EIF2AK1: variants seen among roughly 807,000 people sequenced by gnomAD.
The protein encoded by EIF2AK1 is eukaryotic translation initiation factor 2-alpha kinase 1.
A neutral mutation model predicts 77.9 loss-of-function variants in EIF2AK1; 54 were observed. The ratio of observed to expected loss-of-function variants is 0.69; its 90% confidence interval spans 0.56 to 0.87. The LOEUF (loss-of-function observed/expected upper bound fraction) is 0.87, where lower values mean the gene tolerates loss of function less well. Ranked by LOEUF, EIF2AK1 falls within the 40% of genes least tolerant of loss-of-function variation. The pLI, the probability that EIF2AK1 is intolerant of heterozygous loss-of-function variation, is 0.00. For synonymous variants in EIF2AK1, 314 were observed against 290.5 expected (o/e 1.08, Z -0.82); for missense variants, 810 against 768.6 (o/e 1.05, Z -0.64).
chr7:6,029,780 C>G (rs1787851448), intron 11 of EIF2AK1, among the ~76,000 whole-genome samples: 1 of 152,028 alleles, frequency 6.6e-6, no homozygotes, highest in Non-Finnish European at 1.5e-5. Context: ...GTCAGGAGTT[C>G]AAGACCAGGC....
At position 6,038,574 on chromosome 7, in the gene EIF2AK1, A is replaced by G; in HGVS notation, c.1217T>C (p.Val406Ala). ...ATGGTACTCACAGGCAGACTCGTCC[A>G]CATACTCCCGGCCCCGCTTGTTTCT... ...VERNKRGREYVDESACPYVMA... is the reference protein window; with the variant it reads ...VERNKRGREYADESACPYVMA... The change falls in exon 10 of 15, where the codon GTG becomes GCG. Residue 406 changes from valine (V) to alanine (A), a missense_variant. By Grantham distance (64) the Val-to-Ala change is moderately conservative (BLOSUM62 0). Coordinates refer to ENST00000199389, the MANE Select transcript of EIF2AK1 (RefSeq NM_014413.4). 1 of 1,612,106 alleles carries G rather than the reference A, an allele frequency of 6.2e-7. No individual in the cohort carries two copies.
At chr7:6,038,814 G>A (rs906392834) in intron 9 of EIF2AK1, 143 bp from the exon 10 acceptor site, 5 of 579,952 alleles carry the variant, frequency 8.6e-6, no homozygotes, top group Non-Finnish European at 1.4e-5. Flanking sequence ...ACTTCTCTTT[G>A]CAAGACAGAA....
Position 6,042,945 on chromosome 7 carries a change from T to C in EIF2AK1, c.779A>G (p.Gln260Arg). ...ELPSLEVLSD[Q>R]EEDREQCGVK... ...TAAAAGGACATACCTGTCCTCTTCCTGGTCGGAGAGCACTTCCAGAGATGG... is the reference window on the plus strand; with the variant it reads ...TAAAAGGACATACCTGTCCTCTTCCCGGTCGGAGAGCACTTCCAGAGATGG... The change falls in exon 8 of 15, where the codon CAG (glutamine) becomes CGG (arginine). Residue 260 changes from glutamine (Q) to arginine (R), a missense_variant. By Grantham distance (43) the Gln-to-Arg change is conservative. This residue lies in a region of EIF2AK1 where 549 missense variants were observed against 533.7 expected (regional missense o/e 1.03). Coordinates refer to ENST00000199389, the MANE Select transcript of EIF2AK1 (RefSeq NM_014413.4). 6.2e-7 allele frequency: 1 copy of C among 1,614,088 alleles called. No homozygotes were observed. Among genetic ancestry groups the C allele is most frequent in the South Asian group, 1.1e-5 (1 of 91,078 alleles).
chr7:6,040,817 A>G, intron 9 of EIF2AK1, 75 bp downstream of exon 9: 1 of 1,213,944 alleles, frequency 8.2e-7, no homozygotes, highest in Non-Finnish European at 1.2e-6. Flanking sequence ...GAGCTGAGAG[A>G]GGGCGAGAGA....
intron 8 of EIF2AK1, among the ~76,000 whole-genome samples, chr7:6,041,553 A>C (rs994835156): frequency 1.4e-5 from 2 of 147,268 alleles, no homozygotes; most frequent in African/African-American, 2.5e-5. Flanking sequence ...CAAGAAAAAA[A>C]AAAGTCGGCC....
In EIF2AK1 at chr7:6,058,983, G is replaced by A; in HGVS notation, c.101C>T (p.Pro34Leu). ...TCCCTCACCGTCATATTCGGGGTCC[G>A]GGCCCTCGGCGGGAAAGTCGATGGC... is the stretch of plus-strand genomic sequence containing the variant. ...PPAIDFPAEG[P>L]DPEYDESDVP... Residue 34 changes from proline to leucine, a missense_variant, in exon 1 of 15, where the codon CCG becomes CTG. Pro to Leu is a moderately conservative substitution (Grantham distance 98). This residue lies in a region of EIF2AK1 where 246 missense variants were observed against 199.0 expected (regional missense o/e 1.24). Coordinates refer to ENST00000199389, the MANE Select transcript of EIF2AK1 (RefSeq NM_014413.4). The A allele has an allele frequency of 2.6e-6, 4 of 1,541,246 alleles. No homozygotes were observed. Among genetic ancestry groups the A allele is most frequent in the African/African-American group, 1.4e-5 (1 of 70,226 alleles).
Position 6,059,141 on chromosome 7 carries a change from C to G in EIF2AK1, c.-58G>C. ...CCGGCCAGCCCAGCACTGCCACACT[C>G]CGATGCTGCAGCTAGCGCCGTCCGA... On this transcript the variant is annotated 5_prime_UTR_variant, in exon 1 of 15. Transcript: ENST00000199389. 1.7e-6 allele frequency: 2 copies of G among 1,166,006 alleles called. No homozygotes were observed. The highest frequency in any genetic ancestry group is 1.1e-6 in the Non-Finnish European group (1 of 892,638). 72.2% of individuals were successfully genotyped at this position (1,166,006 alleles called of 1,614,324 possible). A position where few individuals can be genotyped will look rare whatever the true frequency, so the allele number is the denominator to read the frequency against.
intron 1 of EIF2AK1, among the ~76,000 whole-genome samples, chr7:6,056,019 G>A (rs1195338401): frequency 1.5e-5 from 2 of 136,942 alleles, no homozygotes; most frequent in East Asian, 2.2e-4. Context: ...CTAGCTGGGT[G>A]TGGTGGCTCA....
intron 9 of EIF2AK1, among the ~76,000 whole-genome samples, chr7:6,039,936 T>TC (rs1562749808): frequency 6.6e-6 from 1 of 151,918 alleles, no homozygotes; most frequent in African/African-American, 2.4e-5. Context: ...AAACTTTGTC[T>TC]CAAGAAAAAA....
chr7:6,044,339 C>T (rs565820690), intron 7 of EIF2AK1, among the ~76,000 whole-genome samples: 7 of 151,694 alleles, frequency 4.6e-5, no homozygotes, highest in East Asian at 1.9e-4. Context: ...GCCGTGGTGG[C>T]GGGCACCTGT....
At chr7:6,055,924 G>A (rs1203550053) in intron 1 of EIF2AK1, among the ~76,000 whole-genome samples, 5 of 128,998 alleles carry the variant, frequency 3.9e-5, no homozygotes, top group African/African-American at 1.2e-4. Context: ...CAGAGGTTGA[G>A]ATGAGCTGAG....
At chr7:6,028,721 T>C in intron 12 of EIF2AK1, 24 bp from the exon 13 acceptor site, 1 of 1,609,530 alleles carries the variant, frequency 6.2e-7, no homozygotes, top group African/African-American at 1.3e-5. Flanking sequence ...AGCCACATAT[T>C]AAACATTGCA....
At chr7:6,034,197 C>T (rs1158071232) in intron 11 of EIF2AK1, among the ~76,000 whole-genome samples, 1 of 151,898 alleles carries the variant, frequency 6.6e-6, no homozygotes, top group Non-Finnish European at 1.5e-5. Context: ...GTCCCAGCTA[C>T]TCGGGAGGCT....
intron 2 of EIF2AK1, among the ~76,000 whole-genome samples, chr7:6,053,185 T>C (rs1261694979): frequency 6.6e-6 from 1 of 152,114 alleles, no homozygotes; most frequent in East Asian, 1.9e-4. Flanking sequence ...CAACATATTT[T>C]TATTTTGTAT....
chr7:6,029,710 C>T (rs73056639), intron 11 of EIF2AK1, among the ~76,000 whole-genome samples: 13,022 of 152,176 alleles, frequency 0.086, 615 homozygotes, highest in Admixed American at 0.11. Context: ...CGGCCGGGCA[C>T]GGTGGCTCAC....
At chr7:6,054,163 C>T (rs1046774629) in intron 2 of EIF2AK1, among the ~76,000 whole-genome samples, 1 of 151,924 alleles carries the variant, frequency 6.6e-6, no homozygotes, top group African/African-American at 2.4e-5. Flanking sequence ...TTAATTTTTA[C>T]CTCCCATGAA....
At chr7:6,058,235 C>G (rs1394714278) in intron 1 of EIF2AK1, 1 of 439,242 alleles carries the variant, frequency 2.3e-6, no homozygotes, top group East Asian at 7.0e-5. Flanking sequence ...CACAGCAAGA[C>G]CACATCTCTG....
rs750381970 is a variant in EIF2AK1, at chr7:6,054,640, A to C, written c.183T>G (p.Phe61Leu). The C allele has an allele frequency of 1.2e-6, 2 of 1,614,090 alleles. No homozygotes were observed. Among genetic ancestry groups the C allele is most frequent in the Non-Finnish European group, 1.7e-6 (2 of 1,180,036 alleles). ...KEPLQQPTFPFAVANQLLLVS... is the reference protein window; with the variant it reads ...KEPLQQPTFPLAVANQLLLVS... ...CCAGCAAGAGTTGGTTTGCAACTGC[A>C]AAAGGGAAGGTTGGCTGTTGTAGGG... Residue 61 changes from phenylalanine (F) to leucine (L), a missense_variant, in exon 2 of 15, where the codon TTT (phenylalanine) becomes TTG (leucine). By Grantham distance (22) the Phe-to-Leu change is conservative (BLOSUM62 0). This residue lies in a region of EIF2AK1 where 246 missense variants were observed against 199.0 expected (regional missense o/e 1.24). Transcript: ENST00000199389.
At chr7:6,028,891 GAAAAC>G in intron 12 of EIF2AK1, 22 bp downstream of exon 12, 1 of 1,571,756 alleles carries the variant, frequency 6.4e-7, no homozygotes, top group Non-Finnish European at 8.6e-7. Context: ...CTTATGCAAA[GAAAAC>G]AAAACAAAAC....
Sources: gnomAD v4.1 joint callset for allele counts (sites outside exome capture counted in the v4.1 genomes callset) on GRCh38, gnomAD v4.1.1 for gene constraint, gnomAD v4.1.1 regional missense constraint, MANE v1.5 for transcripts, NCBI Gene and HGNC (gene_info 2026-07-23, HGNC 2026-07-21) for gene names.